The following FRMPD3 variants were observed in gnomAD, a reference collection of about 807,000 sequenced individuals.
FRMPD3 encodes FERM and PDZ domain-containing protein 3.
A neutral mutation model predicts 97.9 loss-of-function variants in FRMPD3; 42 were observed. That is an observed-to-expected ratio of 0.43 (90% CI 0.34 to 0.55). The LOEUF is 0.55. Among genes scored for constraint, FRMPD3 ranks in the 20% least tolerant of loss-of-function variants. The pLI is 0.03. For synonymous variants in FRMPD3, 577 were observed against 581.1 expected (o/e 0.99, Z 0.10); for missense variants, 1,303 against 1,457.7 (o/e 0.89, Z 1.73).
intron 1 of FRMPD3, among the ~76,000 whole-genome samples, chrX:107,523,056 A>G (rs1922567253): frequency 9.0e-6 from 1 of 111,491 alleles, no homozygotes; most frequent in Non-Finnish European, 1.9e-5. Flanking sequence ...CATGTGACCC[A>G]TGGACAGCTG....
At chrX:107,521,944 C>G (rs112168441) in intron 1 of FRMPD3, among the ~76,000 whole-genome samples, 1 of 112,475 alleles carries the variant, frequency 8.9e-6, no homozygotes, top group Non-Finnish European at 1.9e-5. Flanking sequence ...ATATTCTTCT[C>G]GGTTCATTTG....
At position 107,507,256 on chromosome X, in the gene FRMPD3, C is replaced by T. The variant is rs1226737642; in HGVS notation, c.-7-19326C>T. 2.7e-5 allele frequency among the ~76,000 whole-genome samples: 3 copies of T among 110,829 alleles called. No individual in the cohort carries two copies. The South Asian group carries it at 1.2e-3, about 45-fold the overall frequency. On this transcript the variant is annotated intron_variant, in intron 1 of 14. Coordinates refer to ENST00000683843, the MANE Select transcript of FRMPD3 (RefSeq NM_001388459.1). ...GGATTCGTTTGGGTTGCCTGGCAGC[C>T]CTCCGGTCCTTTCGAGGCCACGAAA...
At chrX:107,481,062 G>T (rs1206307608) in intron 1 of FRMPD3, among the ~76,000 whole-genome samples, 3 of 111,433 alleles carry the variant, frequency 2.7e-5, no homozygotes, top group Non-Finnish European at 5.7e-5. Context: ...TCTAGGTGGG[G>T]GTCAGAAGGG....
At chrX:107,528,451 AAGAT>A (rs1286021176) in intron 2 of FRMPD3, among the ~76,000 whole-genome samples, 2 of 111,456 alleles carry the variant, frequency 1.8e-5, no homozygotes, top group East Asian at 2.8e-4. Context: ...AGGGAAGAAG[AAGAT>A]AGATAGAGTG....
chrX:107,529,396 G>A (rs1202093844), intron 2 of FRMPD3, among the ~76,000 whole-genome samples: 1 of 110,581 alleles, frequency 9.0e-6, no homozygotes, highest in Non-Finnish European at 1.9e-5. Context: ...ACCACTCTGG[G>A]CAACATGATG....
At chrX:107,554,163 T>C (rs1053558159) in intron 7 of FRMPD3, among the ~76,000 whole-genome samples, 2 of 111,141 alleles carry the variant, frequency 1.8e-5, no homozygotes, top group African/African-American at 6.6e-5. Flanking sequence ...ATAAGTGATT[T>C]GAAAATTCCT....
chrX:107,557,505 G>A (rs1415575453), intron 8 of FRMPD3, among the ~76,000 whole-genome samples: 1 of 109,211 alleles, frequency 9.2e-6, no homozygotes, highest in Non-Finnish European at 1.9e-5. Flanking sequence ...TATGGACAGT[G>A]CTTTTGGTGT....
intron 5 of FRMPD3, among the ~76,000 whole-genome samples, chrX:107,549,406 T>C (rs2084427657): frequency 8.9e-6 from 1 of 112,019 alleles, no homozygotes; most frequent in Non-Finnish European, 1.9e-5. Flanking sequence ...TGGCACTTCA[T>C]GTCTCAGGGT....
intron 13 of FRMPD3, among the ~76,000 whole-genome samples, chrX:107,582,089 T>C (rs749864484): frequency 1.8e-5 from 2 of 112,102 alleles, no homozygotes; most frequent in African/African-American, 6.5e-5. Flanking sequence ...AACTGCCGAA[T>C]TGTTTTTTAA....
chrX:107,554,584 G>A, intron 8 of FRMPD3, 80 bp downstream of exon 8: 1 of 1,119,027 alleles, frequency 8.9e-7, no homozygotes, highest in Non-Finnish European at 1.2e-6. Context: ...CAATGAAATA[G>A]CTATGTAAGT....
At chrX:107,528,748 G>A (rs1330485581) in intron 2 of FRMPD3, among the ~76,000 whole-genome samples, 1 of 112,755 alleles carries the variant, frequency 8.9e-6, no homozygotes, top group Admixed American at 9.3e-5. Flanking sequence ...TGCAGATTTG[G>A]AGTTAGAGTC....
At chrX:107,520,115 G>A (rs1296457330) in intron 1 of FRMPD3, among the ~76,000 whole-genome samples, 1 of 111,143 alleles carries the variant, frequency 9.0e-6, no homozygotes, top group South Asian at 3.9e-4. Flanking sequence ...GGTGGTGACT[G>A]AAGTGAACAG....
At chrX:107,582,546 A>T (rs1297695043) in intron 13 of FRMPD3, among the ~76,000 whole-genome samples, 1 of 112,480 alleles carries the variant, frequency 8.9e-6, no homozygotes, top group East Asian at 2.8e-4. Flanking sequence ...CATGTTTACG[A>T]TTTACAGTTT....
intron 12 of FRMPD3, among the ~76,000 whole-genome samples, chrX:107,576,049 T>C (rs1408288146): frequency 8.9e-6 from 1 of 112,254 alleles, no homozygotes; most frequent in Non-Finnish European, 1.9e-5. Context: ...CATGAGGTTA[T>C]ATAATTTTAG....
At chrX:107,550,438 G>A (rs1921818257) in intron 6 of FRMPD3, among the ~76,000 whole-genome samples, 1 of 112,130 alleles carries the variant, frequency 8.9e-6, no homozygotes, top group South Asian at 3.7e-4. Context: ...GGGTCCTTCA[G>A]GACTTTTAAG....
At position 107,573,387 on chromosome X, in the gene FRMPD3, GGCTACAGTGGCAGC is replaced by G. The variant is rs1347265707; in HGVS notation, c.1297-2927_1297-2914del. On this transcript the variant is annotated intron_variant, in intron 12 of 14. Coordinates refer to ENST00000683843, the MANE Select transcript of FRMPD3 (RefSeq NM_001388459.1). ...TATATCCTTCTGCCATCAGTGGCAGGGCTACAGTGGCAGCAAGACAGCAAGAAGGGGTATCTGAC... is the reference window on the plus strand; with the variant it reads ...TATATCCTTCTGCCATCAGTGGCAGGAAGACAGCAAGAAGGGGTATCTGAC... 2.7e-5 allele frequency among the ~76,000 whole-genome samples: 3 copies of G among 111,572 alleles called. No individual in the cohort carries two copies. In the East Asian group the frequency reaches 8.4e-4, roughly 31 times the overall value.
chrX:107,543,488 CAG>C (rs1209231739), intron 4 of FRMPD3, among the ~76,000 whole-genome samples: 2 of 111,255 alleles, frequency 1.8e-5, no homozygotes, highest in Non-Finnish European at 3.8e-5. Flanking sequence ...GTCTCATCCT[CAG>C]AGAGGTCTTC....
chrX:107,527,089 C>G (rs762545813), intron 2 of FRMPD3, among the ~76,000 whole-genome samples: 1 of 111,833 alleles, frequency 8.9e-6, no homozygotes, highest in Non-Finnish European at 1.9e-5. Context: ...TATAGATTGC[C>G]TACTCTAAGC....
At chrX:107,550,678 G>C (rs1441461060) in intron 6 of FRMPD3, among the ~76,000 whole-genome samples, 1 of 111,041 alleles carries the variant, frequency 9.0e-6, no homozygotes, top group Non-Finnish European at 1.9e-5. Flanking sequence ...AGCAATTACT[G>C]AGCTGTGATT....
Sources: gnomAD v4.1 joint callset for allele counts (sites outside exome capture counted in the v4.1 genomes callset) on GRCh38, gnomAD v4.1.1 for gene constraint, MANE v1.5 for transcripts, NCBI Gene and HGNC (gene_info 2026-07-23, HGNC 2026-07-21) for gene names.